The following EPHA3 variants were observed in gnomAD, a reference collection of about 807,000 sequenced individuals.
EPHA3 encodes EPH receptor A3.
EPHA3 carries 42 observed loss-of-function variants against 107.1 expected under a neutral mutation model. The ratio of observed to expected loss-of-function variants is 0.39; its 90% CI spans 0.31 to 0.51. The LOEUF is 0.51. Ranked by LOEUF, EPHA3 falls within the 20% of genes least tolerant of loss-of-function variation. The pLI is 0.78. For synonymous variants in EPHA3, 461 were observed against 424.8 expected (o/e 1.09, Z -1.05); for missense variants, 1,183 against 1,211.2 (o/e 0.98, Z 0.35).
At chr3:89,365,703 C>A (rs1438715617) in intron 5 of EPHA3, among the ~76,000 whole-genome samples, 16 of 150,668 alleles carry the variant, frequency 1.1e-4, no homozygotes, top group Non-Finnish European at 3.0e-5. Flanking sequence ...CCTGAACCTA[C>A]TTAGCATCAA....
chr3:89,176,497 TAAAAAAAAAAAAA>T (rs55877149), intron 2 of EPHA3, among the ~76,000 whole-genome samples: 1 of 100,572 alleles, frequency 9.9e-6, no homozygotes, highest in Non-Finnish European at 2.0e-5. Context: ...ATTCCATCTC[TAAAAAAAAAAAAA>T]AAAAAAAAAA....
chr3:89,169,881 G>T (rs1359056933), intron 2 of EPHA3, among the ~76,000 whole-genome samples: 1 of 152,068 alleles, frequency 6.6e-6, no homozygotes, highest in Non-Finnish European at 1.5e-5. Context: ...TGAAGCCTTT[G>T]TTAATTAGAT....
At chr3:89,294,383 G>T (rs1024787765) in intron 3 of EPHA3, among the ~76,000 whole-genome samples, 1 of 152,066 alleles carries the variant, frequency 6.6e-6, no homozygotes, top group Non-Finnish European at 1.5e-5. Context: ...GAGAATTACA[G>T]TTAAAAATGC....
chr3:89,384,528 A>G (rs1345722308), intron 5 of EPHA3, among the ~76,000 whole-genome samples: 1 of 152,170 alleles, frequency 6.6e-6, no homozygotes, highest in African/African-American at 2.4e-5. Flanking sequence ...TAAAACGTTT[A>G]GGCTCTAACA....
At chr3:89,219,157 CACA>C (rs761824478) in intron 3 of EPHA3, among the ~76,000 whole-genome samples, 28 of 151,938 alleles carry the variant, frequency 1.8e-4, no homozygotes, top group African/African-American at 2.4e-4. Context: ...CCCATTTTTT[CACA>C]ACAACATTTT....
chr3:89,205,983 A>AT (rs1417133324), intron 2 of EPHA3, among the ~76,000 whole-genome samples: 6 of 152,098 alleles, frequency 3.9e-5, no homozygotes, highest in Admixed American at 2.6e-4. Flanking sequence ...TTAATTAATG[A>AT]TTTTTTCTTG....
chr3:89,119,335 G>T (rs1707326121), intron 1 of EPHA3, among the ~76,000 whole-genome samples: 1 of 151,944 alleles, frequency 6.6e-6, no homozygotes, highest in African/African-American at 2.4e-5. Flanking sequence ...ATATCTCATT[G>T]GTCTTTATTT....
intron 3 of EPHA3, among the ~76,000 whole-genome samples, chr3:89,337,370 T>C (rs1288526183): frequency 6.6e-6 from 1 of 152,216 alleles, no homozygotes; most frequent in Non-Finnish European, 1.5e-5. Context: ...GGGCATGCTG[T>C]CCTTTCCATT....
At chr3:89,133,730 G>C (rs575132500) in intron 2 of EPHA3, among the ~76,000 whole-genome samples, 1 of 152,136 alleles carries the variant, frequency 6.6e-6, no homozygotes. Flanking sequence ...CCGGCTGCAG[G>C]AATTGCAGTT....
intron 1 of EPHA3, among the ~76,000 whole-genome samples, chr3:89,119,270 C>A (rs1341830659): frequency 6.6e-6 from 1 of 152,070 alleles, no homozygotes; most frequent in African/African-American, 2.4e-5. Context: ...ATAGAACCAT[C>A]TCCATATAAA....
intron 2 of EPHA3, among the ~76,000 whole-genome samples, chr3:89,183,299 A>C (rs9815137): frequency 6.6e-6 from 1 of 151,832 alleles, no homozygotes; most frequent in Non-Finnish European, 1.5e-5. Flanking sequence ...ATCTCTTCCC[A>C]CTGTCTCACA....
chr3:89,406,949 G>A (rs1709067120), intron 7 of EPHA3, among the ~76,000 whole-genome samples: 1 of 152,002 alleles, frequency 6.6e-6, no homozygotes, highest in African/African-American at 2.4e-5. Flanking sequence ...TTCATTCAAC[G>A]AGTTTTTTGC....
At chr3:89,279,461 A>G (rs1294720567) in intron 3 of EPHA3, among the ~76,000 whole-genome samples, 1 of 152,196 alleles carries the variant, frequency 6.6e-6, no homozygotes, top group Non-Finnish European at 1.5e-5. Flanking sequence ...AACAAAATAT[A>G]TAGCTACCTA....
At chr3:89,326,999 T>C (rs1707181318) in intron 3 of EPHA3, among the ~76,000 whole-genome samples, 1 of 152,112 alleles carries the variant, frequency 6.6e-6, no homozygotes, top group Non-Finnish European at 1.5e-5. Context: ...GAAAGAGGCC[T>C]CCATTCTTCC....
At chr3:89,416,185 CTT>C (rs1709242691) in intron 10 of EPHA3, among the ~76,000 whole-genome samples, 2 of 151,220 alleles carry the variant, frequency 1.3e-5, no homozygotes, top group South Asian at 4.1e-4. Flanking sequence ...TTTTGAGCAG[CTT>C]TTACATTGTG....
intron 11 of EPHA3, among the ~76,000 whole-genome samples, chr3:89,424,191 C>G (rs1172154826): frequency 6.6e-6 from 1 of 151,298 alleles, no homozygotes; most frequent in African/African-American, 2.4e-5. Context: ...AAAAAAGATA[C>G]TACACCATTT....
intron 3 of EPHA3, among the ~76,000 whole-genome samples, chr3:89,262,427 G>A (rs959216517): frequency 3.9e-5 from 6 of 152,212 alleles, no homozygotes; most frequent in African/African-American, 1.2e-4. Context: ...GGAAATCCTT[G>A]GCATTCCCTG....
intron 3 of EPHA3, among the ~76,000 whole-genome samples, chr3:89,231,996 A>T (rs943386068): frequency 6.6e-6 from 1 of 152,148 alleles, no homozygotes; most frequent in African/African-American, 2.4e-5. Flanking sequence ...AGTGCAGGGC[A>T]GGACACCTGT....
At chr3:89,208,464 A>AAGAAAGAAAGAAAGAAAG (rs1559600899) in intron 2 of EPHA3, among the ~76,000 whole-genome samples, 3 of 146,588 alleles carry the variant, frequency 2.0e-5, no homozygotes, top group Non-Finnish European at 3.0e-5. Context: ...GAAAGAAAGA[A>AAGAAAGAAAGAAAGAAAG]AGAAAGAAAG....
Sources: allele counts gnomAD v4.1 joint callset (sites outside exome capture counted in the v4.1 genomes callset), GRCh38; gene constraint gnomAD v4.1.1; transcripts MANE v1.5; gene names NCBI Gene and HGNC (gene_info 2026-07-23, HGNC 2026-07-21).